Variants in PCDHA2 observed in about 807,000 individuals in gnomAD.
PCDHA2 encodes protocadherin alpha-2.
In PCDHA2, 58 loss-of-function variants were observed where a neutral mutation model predicts 66.0. The ratio of observed to expected loss-of-function variants is 0.88; its 90% CI spans 0.71 to 1.09. The LOEUF is 1.09. PCDHA2 is among the 50% of genes least tolerant of loss of function. PCDHA2 has a pLI of 0.00. For missense variants in PCDHA2, 1,267 were observed against 1,242.3 expected (o/e 1.02, Z -0.30); for synonymous variants, 634 against 554.0 (o/e 1.14, Z -2.03).
chr5:140,891,612 T>C (rs182874243), intron 1 of PCDHA2, among the ~76,000 whole-genome samples: 2 of 152,350 alleles, frequency 1.3e-5, no homozygotes, highest in Admixed American at 1.3e-4. Context: ...TTCTACCTTT[T>C]ATTTTAACAC....
Position 140,817,805 on chromosome 5 carries a change from G to A in PCDHA2, c.2388+20453G>A, listed in dbSNP as rs2150099205. Among the ~76,000 whole-genome samples, 979 of 152,180 alleles carry A rather than the reference G, an allele frequency of 6.4e-3. 8 individuals are homozygous for A. The highest frequency in any genetic ancestry group is 0.023 in the African/African-American group (944 of 41,514). On this transcript the variant is annotated intron_variant, in intron 1 of 3. Transcript: ENST00000526136. Reference sequence around the variant, plus strand: ...GGCCTGCTGGTAAAGAAACCTTTACGTTTTTATATATCTGGAAATGTCTTA... The same window carrying A: ...GGCCTGCTGGTAAAGAAACCTTTACATTTTTATATATCTGGAAATGTCTTA...
At chr5:140,937,199 G>T (rs2091405017) in intron 1 of PCDHA2, among the ~76,000 whole-genome samples, 1 of 151,792 alleles carries the variant, frequency 6.6e-6, no homozygotes, top group African/African-American at 2.4e-5. Flanking sequence ...CACCATGCCC[G>T]GCTAATTTTT....
intron 3 of PCDHA2, among the ~76,000 whole-genome samples, chr5:140,993,826 C>T (rs1401311421): frequency 1.3e-5 from 2 of 152,134 alleles, no homozygotes; most frequent in African/African-American, 4.8e-5. Context: ...ATAGGCTATA[C>T]CATATAGCCT....
At chr5:140,917,324 C>CGGG (rs1299895515) in intron 1 of PCDHA2, among the ~76,000 whole-genome samples, 10 of 76,182 alleles carry the variant, frequency 1.3e-4, no homozygotes, top group South Asian at 4.5e-4. Flanking sequence ...GTTCATGTGG[C>CGGG]GGGGGAGGGG....
At chr5:140,869,861 AAAATGCTGCT>A in intron 1 of PCDHA2, 1 of 1,610,746 alleles carries the variant, frequency 6.2e-7, no homozygotes, top group Admixed American at 1.7e-5. Flanking sequence ...AGCCTTATGG[AAAATGCTGCT>A]AAAGAAACTC....
chr5:140,809,920 G>A, intron 1 of PCDHA2: 1 of 175,738 alleles, frequency 5.7e-6, no homozygotes, highest in Non-Finnish European at 1.2e-5. Context: ...AAATAATAAA[G>A]CTCCATAAAT....
rs2150358522 is a variant in PCDHA2 at position 140,843,370 on chromosome 5, G to C, written c.2388+46018G>C. 44 of 1,595,972 alleles carry C rather than the reference G, an allele frequency of 2.8e-5. 4 individuals carry two copies. The highest frequency in any genetic ancestry group is 3.5e-5 in the Non-Finnish European group (41 of 1,165,612). ...CTCCAAAAGCGTCATCGAGGCAGTC[G>C]GCTGGCGTTTTGGGTCCGGAAGCGG... On this transcript the variant is annotated intron_variant, in intron 1 of 3. Transcript: ENST00000526136.
chr5:140,848,363 A>C, intron 1 of PCDHA2: 1 of 1,078,860 alleles, frequency 9.3e-7, no homozygotes, highest in Non-Finnish European at 1.4e-6. Flanking sequence ...CCCATGGGAA[A>C]GAGGCTCAAT....
intron 1 of PCDHA2, chr5:140,856,539 A>G (rs782181557): frequency 1.3e-6 from 2 of 1,598,342 alleles, no homozygotes; most frequent in South Asian, 2.2e-5. Context: ...GTTGGAGAGA[A>G]CGCATTGCTT....
At chr5:140,976,782 A>G (rs1209900673) in intron 1 of PCDHA2, among the ~76,000 whole-genome samples, 1 of 152,212 alleles carries the variant, frequency 6.6e-6, no homozygotes, top group African/African-American at 2.4e-5. Flanking sequence ...CTGACTATAT[A>G]GCTACGCTTT....
At position 140,857,270 on chromosome 5, in the gene PCDHA2, C is replaced by T. The variant is rs782277671; in HGVS notation, c.2388+59918C>T. On this transcript the variant is annotated intron_variant, in intron 1 of 3. Coordinates refer to ENST00000526136, the MANE Select transcript of PCDHA2 (RefSeq NM_018905.3). ...CTACAAGAATTACTACTCATTGGTG[C>T]TGGACAGCGCTCTGGACCGCGAGAG... 5.0e-6 allele frequency: 8 copies of T among 1,598,754 alleles called. 2 individuals are homozygous for T. The highest frequency in any genetic ancestry group is 4.3e-6 in the Non-Finnish European group (5 of 1,168,052).
intron 1 of PCDHA2, chr5:140,969,364 T>C: frequency 6.2e-7 from 1 of 1,610,368 alleles, no homozygotes; most frequent in Non-Finnish European, 8.5e-7. Context: ...TTCTACAAAC[T>C]CATGCATTTG....
At position 141,010,202 on chromosome 5, in the gene PCDHA2, G is replaced by C; in HGVS notation, c.*265G>C. 6.4e-7 allele frequency: 1 copy of C among 1,551,944 alleles called. No homozygotes were observed. The highest frequency in any genetic ancestry group is 8.7e-7 in the Non-Finnish European group (1 of 1,147,050). The stretch of plus-strand genomic sequence containing the variant: ...CAGACCCAAGTTTCCTTTCTCCTCC[G>C]CCGCAAAGGAGAGGCTTCCCAGCCC... On this transcript the variant is annotated 3_prime_UTR_variant, in exon 4 of 4. Coordinates refer to ENST00000526136, the MANE Select transcript of PCDHA2 (RefSeq NM_018905.3).
At chr5:140,905,787 G>A (rs1468265319) in intron 1 of PCDHA2, among the ~76,000 whole-genome samples, 1 of 152,012 alleles carries the variant, frequency 6.6e-6, no homozygotes, top group Non-Finnish European at 1.5e-5. Context: ...TATTAGTCAG[G>A]GTTCTCTAGA....
chr5:140,850,124 G>C lies in PCDHA2; in HGVS notation c.2388+52772G>C, dbSNP rs1321633502. On this transcript the variant is annotated intron_variant, in intron 1 of 3. Coordinates refer to ENST00000526136, the MANE Select transcript of PCDHA2 (RefSeq NM_018905.3). ...TGAGCGCGCGCGACGCGGGCGTGCCGCCTCTGGGCAGCAACGTGACGCTGC... is the reference window on the plus strand; with the variant it reads ...TGAGCGCGCGCGACGCGGGCGTGCCCCCTCTGGGCAGCAACGTGACGCTGC... The C allele has an allele frequency of 1.9e-6, 3 of 1,595,828 alleles. 1 individual carries two copies. The highest frequency in any genetic ancestry group is 2.7e-5 in the African/African-American group (2 of 74,384).
In PCDHA2 at chr5:140,971,075, T is replaced by C. The variant is rs560795307; in HGVS notation, c.2389-7874T>C. 1.4e-4 allele frequency among the ~76,000 whole-genome samples: 22 copies of C among 152,322 alleles called. No homozygotes were observed. The South Asian group carries it at 3.7e-3, about 26-fold the overall frequency. ...CTTTAAATAAGGTTGCTGTAGACAT[T>C]TGCTTAACAAATTCTTGTGAAGCCC... is the stretch of plus-strand genomic sequence containing the variant. On this transcript the variant is annotated intron_variant, in intron 1 of 3. Transcript: ENST00000526136.
At position 140,870,603 on chromosome 5, in the gene PCDHA2, C is replaced by T. The variant is rs782250124; in HGVS notation, c.2388+73251C>T. ...CGCTGGTGGAGCGGCGGTTGGGCGACCGCGCGCTGTCGAGCTACGTGTCGG... is the reference window on the plus strand; with the variant it reads ...CGCTGGTGGAGCGGCGGTTGGGCGATCGCGCGCTGTCGAGCTACGTGTCGG... On this transcript the variant is annotated intron_variant, in intron 1 of 3. Coordinates refer to ENST00000526136, the MANE Select transcript of PCDHA2 (RefSeq NM_018905.3). The T allele has an allele frequency of 4.3e-6, 7 of 1,613,340 alleles. No homozygotes were observed. The Admixed American group carries it at 1.2e-4, about 27-fold the overall frequency.
chr5:140,922,765 A>T (rs1346337086), intron 1 of PCDHA2, among the ~76,000 whole-genome samples: 1 of 152,258 alleles, frequency 6.6e-6, no homozygotes, highest in Non-Finnish European at 1.5e-5. Flanking sequence ...TAAAGAATTT[A>T]AAAGAACTGG....
At chr5:140,864,520 C>T (rs1354044181) in intron 1 of PCDHA2, 1 of 152,154 alleles carries the variant, frequency 6.6e-6, no homozygotes, top group Admixed American at 6.5e-5. Context: ...GGTGATTTTA[C>T]TTCTTAATTT....
Sources: allele counts gnomAD v4.1 joint callset (sites outside exome capture counted in the v4.1 genomes callset), GRCh38; gene constraint gnomAD v4.1.1; transcripts MANE v1.5; gene names NCBI Gene and HGNC (gene_info 2026-07-23, HGNC 2026-07-21).